MAP4K3: variants seen among roughly 807,000 people sequenced by gnomAD.
The protein encoded by MAP4K3 is MAPK/ERK kinase kinase kinase 3.
Under a neutral mutation model 143.5 loss-of-function variants are expected in MAP4K3, and 94 were observed. That is an observed-to-expected ratio of 0.65 (90% CI 0.55 to 0.78). The LOEUF (loss-of-function observed/expected upper bound fraction) is 0.78. MAP4K3 is among the 30% of genes least tolerant of loss of function. The pLI, the probability that MAP4K3 is intolerant of heterozygous loss-of-function variation, is 0.00. For synonymous variants in MAP4K3, 416 were observed against 347.2 expected, an observed-to-expected ratio of 1.20 and a Z score of -2.20; for missense variants, 1,077 against 1,068.1, an observed-to-expected ratio of 1.01 and a Z score of -0.12.
At chr2:39,384,461 G>A (rs1666439562) in intron 1 of MAP4K3, among the ~76,000 whole-genome samples, 1 of 152,218 alleles carries the variant, frequency 6.6e-6, no homozygotes, top group African/African-American at 2.4e-5. Flanking sequence ...CAGGAGAATC[G>A]CTTGAACCCG....
chr2:39,348,141 T>C (rs1351697392), intron 3 of MAP4K3, among the ~76,000 whole-genome samples: 2 of 152,130 alleles, frequency 1.3e-5, no homozygotes, highest in East Asian at 1.9e-4. Flanking sequence ...TCCATCTTAA[T>C]AGTGTTTTTC....
chr2:39,269,112 CTTTT>C (rs34649274), intron 26 of MAP4K3, among the ~76,000 whole-genome samples: 1 of 148,800 alleles, frequency 6.7e-6, no homozygotes, highest in Non-Finnish European at 1.5e-5. Context: ...CTGTACAAGT[CTTTT>C]TTTTTTTTTA....
chr2:39,383,163 G>A (rs925987010), intron 1 of MAP4K3, among the ~76,000 whole-genome samples: 1 of 152,154 alleles, frequency 6.6e-6, no homozygotes, highest in Non-Finnish European at 1.5e-5. Context: ...TTCTCATGCT[G>A]CTTTAAGGAA....
intron 21 of MAP4K3, 60 bp from the exon 22 acceptor site, chr2:39,282,614 T>A (rs549820379): frequency 1.4e-5 from 15 of 1,093,852 alleles, no homozygotes; most frequent in African/African-American, 3.1e-5. Context: ...ATAATAATAC[T>A]GTATTTCAAA....
At position 39,343,421 on chromosome 2, in the gene MAP4K3, A is replaced by T. The variant is rs1174014269; in HGVS notation, c.277T>A (p.Cys93Ser). The T allele has an allele frequency of 6.2e-7, 1 of 1,613,286 alleles. No homozygotes were observed. Among genetic ancestry groups the T allele is most frequent in the Admixed American group, 1.7e-5 (1 of 59,998 alleles). The part of the protein sequence containing the change: ...RDKLWICMEF[C>S]GGGSLQDIYH... ...ATATCCTGTAAAGAACCACCTCCAC[A>T]AAACTCCATGCAAATCCAAAGCTTA... is the stretch of plus-strand genomic sequence containing the variant. Residue 93 changes from cysteine (C) to serine (S), a missense_variant, in exon 4 of 34, where the codon TGT becomes AGT. Transcript: ENST00000263881.
chr2:39,269,829 C>T (rs999539248), intron 26 of MAP4K3, among the ~76,000 whole-genome samples: 2 of 151,988 alleles, frequency 1.3e-5, no homozygotes, highest in African/African-American at 4.8e-5. Context: ...GTTAAAACAC[C>T]TCATTGTACC....
At chr2:39,335,637 C>T (rs935644032) in intron 6 of MAP4K3, among the ~76,000 whole-genome samples, 2 of 152,148 alleles carry the variant, frequency 1.3e-5, no homozygotes, top group African/African-American at 2.4e-5. Context: ...CCATTTCTGA[C>T]AAAAATCTGT....
At chr2:39,267,590 T>A (rs1414438910) in intron 26 of MAP4K3, among the ~76,000 whole-genome samples, 3 of 151,382 alleles carry the variant, frequency 2.0e-5, no homozygotes, top group African/African-American at 7.3e-5. Context: ...GGAGAATCGC[T>A]TGAACCCAGG....
At chr2:39,264,749 T>C (rs1339497284) in intron 28 of MAP4K3, among the ~76,000 whole-genome samples, 1 of 152,060 alleles carries the variant, frequency 6.6e-6, no homozygotes. Flanking sequence ...AATGATTCTA[T>C]AAAAAAAATC....
At chr2:39,289,803 G>C (rs1205045720) in intron 19 of MAP4K3, among the ~76,000 whole-genome samples, 1 of 152,176 alleles carries the variant, frequency 6.6e-6, no homozygotes, top group Non-Finnish European at 1.5e-5. Flanking sequence ...CATTAAATAA[G>C]GCCAGGCACA....
At chr2:39,260,470 C>T in intron 29 of MAP4K3, 136 bp downstream of exon 29, 1 of 692,576 alleles carries the variant, frequency 1.4e-6, no homozygotes, top group African/African-American at 1.8e-5. Context: ...GAGTAATCTT[C>T]CCTTCTTCCA....
intron 3 of MAP4K3, among the ~76,000 whole-genome samples, chr2:39,344,634 G>A (rs746868764): frequency 3.3e-5 from 5 of 152,160 alleles, no homozygotes; most frequent in Non-Finnish European, 5.9e-5. Flanking sequence ...GCTCACTTGG[G>A]TTAGATCATA....
intron 3 of MAP4K3, among the ~76,000 whole-genome samples, chr2:39,346,744 T>C (rs1052747568): frequency 6.6e-6 from 1 of 152,150 alleles, no homozygotes; most frequent in African/African-American, 2.4e-5. Context: ...ACTAGTGGGT[T>C]TACTAATGAG....
At chr2:39,328,816 A>C (rs1683589850) in intron 8 of MAP4K3, among the ~76,000 whole-genome samples, 1 of 152,196 alleles carries the variant, frequency 6.6e-6, no homozygotes, top group East Asian at 1.9e-4. Flanking sequence ...ATCTACTCTA[A>C]GAAAAGGCCT....
intron 17 of MAP4K3, 100 bp downstream of exon 17, chr2:39,293,130 A>G (rs1682120758): frequency 2.2e-6 from 2 of 907,770 alleles, no homozygotes. Context: ...TAAAGAAAAA[A>G]AAGACAACGC....
Position 39,363,992 on chromosome 2 carries a change from TAA to T in MAP4K3, c.155-7655_155-7654del, listed in dbSNP as rs70957104. ...TTCTCACCTGTTCAGATAGCCATTA[TAA>T]AAAAAAAAAAAAAAAAGAAGACAAT... On this transcript the variant is annotated intron_variant, in intron 2 of 33. Transcript: ENST00000263881. 2.3e-4 allele frequency among the ~76,000 whole-genome samples: 30 copies of T among 129,118 alleles called. 1 individual carries two copies. Among genetic ancestry groups the T allele is most frequent in the Admixed American group, 8.4e-4 (11 of 13,022 alleles). 84.7% of individuals were successfully genotyped at this position (129,118 alleles called of 152,430 possible).
At chr2:39,263,571 G>T (rs1192006548) in intron 28 of MAP4K3, among the ~76,000 whole-genome samples, 1 of 151,874 alleles carries the variant, frequency 6.6e-6, no homozygotes, top group Admixed American at 6.6e-5. Context: ...GAGCCACCGC[G>T]CCCGGCCCAT....
chr2:39,415,433 G>A lies in MAP4K3; in HGVS notation c.96+21459C>T, dbSNP rs573219028. ...AATTATTACTTAGAAACAGACTTAC[G>A]GAATTAAATGCCCTTAAATTTGAGT... is the stretch of plus-strand genomic sequence containing the variant. On this transcript the variant is annotated intron_variant, in intron 1 of 33. Transcript: ENST00000263881. Among the ~76,000 whole-genome samples the A allele has an allele frequency of 2.0e-5, 3 of 152,062 alleles. No individual in the cohort carries two copies. The South Asian group carries it at 6.2e-4, about 32-fold the overall frequency.
intron 3 of MAP4K3, among the ~76,000 whole-genome samples, chr2:39,352,662 T>C (rs1210906514): frequency 6.6e-6 from 1 of 152,164 alleles, no homozygotes; most frequent in African/African-American, 2.4e-5. Flanking sequence ...GTAGGAAAGG[T>C]CTTGTTAAGA....
Sources: allele counts gnomAD v4.1 joint callset (sites outside exome capture counted in the v4.1 genomes callset), GRCh38; gene constraint gnomAD v4.1.1; transcripts MANE v1.5; gene names NCBI Gene and HGNC (gene_info 2026-07-23, HGNC 2026-07-21).